Variants in MGAT4A observed in about 807,000 individuals in gnomAD.
The protein encoded by MGAT4A is N-acetylglucosaminyltransferase IVa.
Under a neutral mutation model 74.1 loss-of-function variants are expected in MGAT4A, and 33 were observed. The ratio of observed to expected loss-of-function variants is 0.45; its 90% confidence interval spans 0.34 to 0.60. The LOEUF is 0.60. Among genes scored for constraint, MGAT4A ranks in the 20% least tolerant of loss-of-function variants. MGAT4A has a pLI of 0.02. For missense variants in MGAT4A, 479 were observed against 628.3 expected (o/e 0.76, Z 2.54); for synonymous variants, 198 against 210.4 (o/e 0.94, Z 0.51).
intron 2 of MGAT4A, among the ~76,000 whole-genome samples, chr2:98,684,516 C>A (rs1409899856): frequency 6.6e-6 from 1 of 152,154 alleles, no homozygotes; most frequent in Non-Finnish European, 1.5e-5. Flanking sequence ...TCCAGAGAAA[C>A]CACTTTGATT....
chr2:98,716,700 A>G (rs1267064816), intron 2 of MGAT4A, among the ~76,000 whole-genome samples: 1 of 152,210 alleles, frequency 6.6e-6, no homozygotes, highest in African/African-American at 2.4e-5. Context: ...GTCCCTTGCT[A>G]TCCATGGGGG....
At chr2:98,625,649 G>A in intron 15 of MGAT4A, 57 bp from the exon 16 acceptor site, 1 of 1,561,136 alleles carries the variant, frequency 6.4e-7, no homozygotes, top group East Asian at 2.3e-5. Context: ...ATTCCAAAAA[G>A]GCCTTAAATA....
In MGAT4A at chr2:98,643,994, T is replaced by C; in HGVS notation, c.949A>G (p.Lys317Glu). Residue 317 changes from lysine to glutamate, a missense_variant, in exon 10 of 16, where the codon AAG becomes GAG. This residue lies in a region of MGAT4A where 236 missense variants were observed against 308.2 expected (regional missense o/e 0.77). Coordinates refer to ENST00000393487, the MANE Select transcript of MGAT4A (RefSeq NM_012214.3). ...LIVEFIFMFY[K>E]EKPIDWLLDH... ...AGGAGCCAATCAATGGGTTTCTCCTTGTAAAACATGAATATGAATTCTACA... is the reference window on the plus strand; with the variant it reads ...AGGAGCCAATCAATGGGTTTCTCCTCGTAAAACATGAATATGAATTCTACA... The C allele has an allele frequency of 6.2e-7, 1 of 1,604,580 alleles. No individual in the cohort carries two copies. The highest frequency in any genetic ancestry group is 8.5e-7 in the Non-Finnish European group (1 of 1,173,404).
rs1252802171 is a variant in MGAT4A, at chr2:98,709,753, A to G, written c.94+16486T>C. ...TGCCAACAGAAGCCTCTCTACACAC[A>G]AGCTTGCCAGGACAAACAAAGGGGT... On this transcript the variant is annotated intron_variant, in intron 2 of 15. Coordinates refer to ENST00000393487, the MANE Select transcript of MGAT4A (RefSeq NM_012214.3). 2.6e-5 allele frequency among the ~76,000 whole-genome samples: 4 copies of G among 152,204 alleles called. No homozygotes were observed. In the East Asian group the frequency reaches 7.7e-4, roughly 29 times the overall value.
chr2:98,631,644 G>C (rs1701235070), intron 14 of MGAT4A, among the ~76,000 whole-genome samples: 2 of 152,200 alleles, frequency 1.3e-5, no homozygotes, highest in African/African-American at 2.4e-5. Flanking sequence ...AGTCGGAGGA[G>C]AGCCTAGGCA....
chr2:98,688,142 G>A (rs1209935998), intron 2 of MGAT4A, among the ~76,000 whole-genome samples: 1 of 151,932 alleles, frequency 6.6e-6, no homozygotes, highest in Non-Finnish European at 1.5e-5. Flanking sequence ...TTTAGCTATC[G>A]TTTCTTTTTT....
intron 2 of MGAT4A, among the ~76,000 whole-genome samples, chr2:98,697,391 G>A (rs1702292006): frequency 6.6e-6 from 1 of 152,216 alleles, no homozygotes; most frequent in South Asian, 2.1e-4. Context: ...GGTTAGGGAT[G>A]ATGGGGGATG....
intron 1 of MGAT4A, among the ~76,000 whole-genome samples, chr2:98,729,905 G>A (rs1702820219): frequency 6.6e-6 from 1 of 152,162 alleles, no homozygotes; most frequent in Admixed American, 6.5e-5. Flanking sequence ...TCATTTATTT[G>A]CCATTTATAA....
chr2:98,675,398 G>T (rs1235569350), intron 3 of MGAT4A, among the ~76,000 whole-genome samples: 1 of 152,140 alleles, frequency 6.6e-6, no homozygotes, highest in African/African-American at 2.4e-5. Context: ...AAACCAAAAT[G>T]GCCAGCTAGA....
At position 98,726,468 on chromosome 2, in the gene MGAT4A, A is replaced by C. The variant is rs972309988; in HGVS notation, c.-136T>G. 1.3e-5 allele frequency: 8 copies of C among 631,552 alleles called. No homozygotes were observed. The highest frequency in any genetic ancestry group is 2.2e-5 in the Non-Finnish European group (8 of 370,830). 39.1% of individuals were successfully genotyped at this position (631,552 alleles called of 1,614,324 possible). On this transcript the variant is annotated 5_prime_UTR_variant, in exon 2 of 16. Transcript: ENST00000393487. Reference sequence around the variant, plus strand: ...AAAATCAATAAGAGAGGTTCATTTCAGATGATCTGCAGGAGGAGCCTAGCA... The same window carrying C: ...AAAATCAATAAGAGAGGTTCATTTCCGATGATCTGCAGGAGGAGCCTAGCA...
intron 10 of MGAT4A, among the ~76,000 whole-genome samples, chr2:98,641,062 C>T (rs1038741515): frequency 6.6e-6 from 1 of 152,122 alleles, no homozygotes. Context: ...CGTAGTGCCC[C>T]ACGGTCCAGA....
intron 2 of MGAT4A, among the ~76,000 whole-genome samples, chr2:98,715,911 A>G (rs1173866107): frequency 1.3e-5 from 2 of 152,228 alleles, no homozygotes; most frequent in Non-Finnish European, 2.9e-5. Flanking sequence ...TGGCAAAAAT[A>G]GTAACTTTAC....
chr2:98,630,248 T>C (rs1013889121), intron 14 of MGAT4A, among the ~76,000 whole-genome samples: 5 of 152,028 alleles, frequency 3.3e-5, no homozygotes, highest in South Asian at 2.1e-4. Context: ...AATCCATCCA[T>C]AGAGGAGTGA....
chr2:98,710,993 TA>T (rs57292774), intron 2 of MGAT4A, among the ~76,000 whole-genome samples: 3 of 150,292 alleles, frequency 2.0e-5, no homozygotes, highest in African/African-American at 4.9e-5. Context: ...GAAGTTGGGT[TA>T]AAAAAAAATC....
At chr2:98,645,650 A>C (rs1237390228) in intron 8 of MGAT4A, 108 bp from the exon 9 acceptor site, 4 of 824,698 alleles carry the variant, frequency 4.9e-6, no homozygotes, top group African/African-American at 3.6e-5. Context: ...AAAATGAAGA[A>C]GACAATGGTA....
chr2:98,668,774 C>T (rs961093412), intron 4 of MGAT4A, among the ~76,000 whole-genome samples: 13 of 152,216 alleles, frequency 8.5e-5, no homozygotes, highest in African/African-American at 2.9e-4. Context: ...GGCAGAGCTG[C>T]CCAAGACCAT....
chr2:98,646,193 C>T (rs1358326117), intron 8 of MGAT4A, among the ~76,000 whole-genome samples: 2 of 152,000 alleles, frequency 1.3e-5, no homozygotes, highest in Admixed American at 1.3e-4. Flanking sequence ...ACTATCAATA[C>T]AAACGTGTGA....
At chr2:98,695,386 TCAGA>T (rs1424656838) in intron 2 of MGAT4A, 2 of 219,892 alleles carry the variant, frequency 9.1e-6, no homozygotes, top group Non-Finnish European at 2.0e-5. Flanking sequence ...CACTGAAGAC[TCAGA>T]CAGCCCCCTC....
intron 2 of MGAT4A, among the ~76,000 whole-genome samples, chr2:98,724,351 G>C (rs1702730187): frequency 6.6e-6 from 1 of 152,228 alleles, no homozygotes; most frequent in Non-Finnish European, 1.5e-5. Flanking sequence ...CAGGCTGTCT[G>C]ACTGCCAGAA....
Sources: allele counts gnomAD v4.1 joint callset (sites outside exome capture counted in the v4.1 genomes callset), GRCh38; gene constraint gnomAD v4.1.1; regional missense constraint gnomAD v4.1.1; transcripts MANE v1.5; gene names NCBI Gene and HGNC (gene_info 2026-07-23, HGNC 2026-07-21).